MATCAP2: variants seen among roughly 807,000 people sequenced by gnomAD.
MATCAP2 encodes microtubule associated tyrosine carboxypeptidase 2, also known as putative tyrosine carboxypeptidase MATCAP2.
chr7:36,330,869 T>A, the MATCAP2 span: 1 of 619,644 alleles, frequency 1.6e-6, no homozygotes, highest in East Asian at 2.5e-5. Context: ...GAAAATTTGT[T>A]CTGACAATAA....
the MATCAP2 span, among the ~76,000 whole-genome samples, chr7:36,346,663 G>GTT: frequency 6.6e-6 from 1 of 152,186 alleles, no homozygotes; most frequent in East Asian, 1.9e-4. Flanking sequence ...TGGGTACAGT[G>GTT]TTTCTTTTTG....
At chr7:36,376,117 TC>T in the MATCAP2 span, among the ~76,000 whole-genome samples, 28 of 152,212 alleles carry the variant, frequency 1.8e-4, no homozygotes, top group Non-Finnish European at 3.7e-4. Context: ...CTTAGTTATT[TC>T]TTGCCTTCTG....
chr7:36,387,121 G>T, the MATCAP2 span, among the ~76,000 whole-genome samples: 1 of 151,874 alleles, frequency 6.6e-6, no homozygotes, highest in South Asian at 2.1e-4. Context: ...GATATTATTG[G>T]GCCAGAAAAA....
chr7:36,365,296 G>A, the MATCAP2 span, among the ~76,000 whole-genome samples: 1 of 152,178 alleles, frequency 6.6e-6, no homozygotes, highest in Non-Finnish European at 1.5e-5. Flanking sequence ...CATGGAGAAG[G>A]AGATGTTGCC....
the MATCAP2 span, among the ~76,000 whole-genome samples, chr7:36,332,287 A>C: frequency 6.6e-6 from 1 of 152,162 alleles, no homozygotes; most frequent in Non-Finnish European, 1.5e-5. Context: ...AATGCCCTTG[A>C]AAAAAAGAGT....
At chr7:36,356,236 C>CA in the MATCAP2 span, 1 of 152,904 alleles carries the variant, frequency 6.5e-6, no homozygotes, top group Non-Finnish European at 1.5e-5. Context: ...AATTAGAGGC[C>CA]AGGCATGGTG....
the MATCAP2 span, among the ~76,000 whole-genome samples, chr7:36,378,749 C>G: frequency 6.6e-6 from 1 of 152,184 alleles, no homozygotes; most frequent in Non-Finnish European, 1.5e-5. Context: ...CTGTGGTGGG[C>G]TCCACCCAGT....
At chr7:36,370,942 T>TAGAATTCATAA in the MATCAP2 span, among the ~76,000 whole-genome samples, 1 of 152,244 alleles carries the variant, frequency 6.6e-6, no homozygotes, top group Non-Finnish European at 1.5e-5. Flanking sequence ...TTATGAATTC[T>TAGAATTCATAA]AGAAGCATTG....
At chr7:36,378,277 G>T in the MATCAP2 span, among the ~76,000 whole-genome samples, 1 of 152,154 alleles carries the variant, frequency 6.6e-6, no homozygotes, top group Non-Finnish European at 1.5e-5. Flanking sequence ...ACCTACAGAT[G>T]GGGTTTTGGT....
At chr7:36,364,676 A>C in the MATCAP2 span, among the ~76,000 whole-genome samples, 1 of 152,188 alleles carries the variant, frequency 6.6e-6, no homozygotes, top group Non-Finnish European at 1.5e-5. Flanking sequence ...GCCATCTCAG[A>C]TATCAATGAA....
chr7:36,328,240 A>AG, the MATCAP2 span, among the ~76,000 whole-genome samples: 33,080 of 70,136 alleles, frequency 0.47, 9,593 homozygotes, highest in Middle Eastern at 0.58. Context: ...TTGTTTTTGT[A>AG]GGGGGGGGGG....
chr7:36,354,912 G>A, the MATCAP2 span, among the ~76,000 whole-genome samples: 1 of 152,070 alleles, frequency 6.6e-6, no homozygotes, highest in Non-Finnish European at 1.5e-5. Context: ...TCAAACTGTG[G>A]GGCTGCTGAG....
the MATCAP2 span, chr7:36,357,474 C>A: frequency 5.6e-6 from 9 of 1,613,966 alleles, no homozygotes; most frequent in Non-Finnish European, 7.6e-6. Context: ...GTGAAAATGT[C>A]TTTTAGCACT....
At chr7:36,371,692 A>G in the MATCAP2 span, among the ~76,000 whole-genome samples, 1 of 152,224 alleles carries the variant, frequency 6.6e-6, no homozygotes, top group Admixed American at 6.5e-5. Context: ...GAGATGGTAA[A>G]GCATGGACAA....
At chr7:36,331,469 A>G in the MATCAP2 span, among the ~76,000 whole-genome samples, 1 of 152,196 alleles carries the variant, frequency 6.6e-6, no homozygotes, top group Admixed American at 6.5e-5. Context: ...AGGCCTGAGC[A>G]GGATAGTTTT....
chr7:36,348,911 G>C, the MATCAP2 span, among the ~76,000 whole-genome samples: 2 of 152,214 alleles, frequency 1.3e-5, no homozygotes, highest in African/African-American at 2.4e-5. Context: ...TGGGAAACTT[G>C]TTTATTCAGT....
At chr7:36,354,154 C>T in the MATCAP2 span, among the ~76,000 whole-genome samples, 1 of 152,228 alleles carries the variant, frequency 6.6e-6, no homozygotes. Flanking sequence ...TGCCAGCATG[C>T]AGCAAGCCAG....
chr7:36,337,119 A>C, the MATCAP2 span, among the ~76,000 whole-genome samples: 3 of 147,148 alleles, frequency 2.0e-5, 1 homozygote, highest in Admixed American at 6.8e-5. Context: ...AAAAAAAAAA[A>C]AAAAAAGCAA....
the MATCAP2 span, chr7:36,324,912 C>T: frequency 6.6e-6 from 1 of 152,216 alleles, no homozygotes; most frequent in East Asian, 1.9e-4. Context: ...GAAATTAAGG[C>T]TGCTGTGATT....
Sources: allele counts gnomAD v4.1 joint callset (sites outside exome capture counted in the v4.1 genomes callset), GRCh38; gene constraint gnomAD v4.1.1; transcripts MANE v1.5; gene names NCBI Gene and HGNC (gene_info 2026-07-23, HGNC 2026-07-21).